Variants in MX2 observed in about 807,000 individuals in gnomAD.
MX2 encodes MX dynamin like GTPase 2.
A neutral mutation model predicts 74.0 loss-of-function variants in MX2; 51 were observed. That is an observed-to-expected ratio of 0.69 (90% CI 0.55 to 0.87). MX2 has a LOEUF of 0.87. Ranked by LOEUF, MX2 falls within the 40% of genes least tolerant of loss-of-function variation. MX2 has a pLI of 0.00. For synonymous variants in MX2, 369 were observed against 339.3 expected (o/e 1.09, Z -0.96); for missense variants, 832 against 908.7 (o/e 0.92, Z 1.09).
At chr21:41,376,312 T>A (rs1475152470) in intron 1 of MX2, among the ~76,000 whole-genome samples, 1 of 152,054 alleles carries the variant, frequency 6.6e-6, no homozygotes, top group Non-Finnish European at 1.5e-5. Flanking sequence ...GGCGGACGGA[T>A]TGCTTGAGCT....
chr21:41,406,559 C>T (rs2089888876), intron 12 of MX2, among the ~76,000 whole-genome samples, 185 bp from the exon 13 acceptor site: 4 of 152,224 alleles, frequency 2.6e-5, no homozygotes, highest in Admixed American at 2.6e-4. Context: ...AGTGAGGAAA[C>T]CGGGTTCATA....
intron 1 of MX2, among the ~76,000 whole-genome samples, chr21:41,375,066 C>T (rs917347953): frequency 6.6e-6 from 1 of 152,226 alleles, no homozygotes; most frequent in Non-Finnish European, 1.5e-5. Flanking sequence ...TGCATTTCCT[C>T]TGCGGGAGAG....
intron 8 of MX2, 64 bp downstream of exon 8, chr21:41,397,755 G>A: frequency 6.9e-7 from 1 of 1,451,398 alleles, no homozygotes; most frequent in Non-Finnish European, 9.7e-7. Context: ...CTCTTGGTCT[G>A]GAGTTGGCTA....
chr21:41,377,131 A>G lies in MX2; in HGVS notation c.225A>G (p.Gly75=), dbSNP rs751872874. ...FLTLNNQPPP[G]NRSQPRAMGP... ...CTTTGAACAATCAGCCACCACCAGG[A>G]AACAGGAGCCAACCAAGGGCAATGG... The change falls in exon 2 of 14, where the codon GGA becomes GGG. Residue 75 remains glycine (G), a synonymous_variant. Coordinates refer to ENST00000330714, the MANE Select transcript of MX2 (RefSeq NM_002463.2). 60 of 1,614,066 alleles carry G rather than the reference A, an allele frequency of 3.7e-5. No individual in the cohort carries two copies. The South Asian group carries it at 6.6e-4, about 18-fold the overall frequency.
rs933254286 is a variant in MX2 at position 41,363,466 on chromosome 21, C to G, written c.-72+1411C>G. Reference sequence around the variant, plus strand: ...GCCCCTGCCCTAGAATGCAAGCTCCCCCAGAGATCTTTGTCTGCCTGACTC... The same window carrying G: ...GCCCCTGCCCTAGAATGCAAGCTCCGCCAGAGATCTTTGTCTGCCTGACTC... On this transcript the variant is annotated intron_variant, in intron 1 of 13. Coordinates refer to ENST00000330714, the MANE Select transcript of MX2 (RefSeq NM_002463.2). The surrounding 1 kb of genome is among the most constrained non-coding windows in gnomAD (Gnocchi z 4.2). 2.0e-5 allele frequency: 3 copies of G among 152,342 alleles called. No individual in the cohort carries two copies. The highest frequency in any genetic ancestry group is 4.4e-5 in the Non-Finnish European group (3 of 68,054). The allele number at this position is 152,342 out of a possible 1,614,324, so 9.4% of individuals were successfully genotyped here.
At position 41,384,681 on chromosome 21, in the gene MX2, T is replaced by C. The variant is rs1357860822; in HGVS notation, c.732+2117T>C. On this transcript the variant is annotated intron_variant, in intron 5 of 13. Coordinates refer to ENST00000330714, the MANE Select transcript of MX2 (RefSeq NM_002463.2). ...AGAATTCTATCTGAAAGGGTGGCAG[T>C]ATACGAAAACACTGCCAAGTGAACA... is the stretch of plus-strand genomic sequence containing the variant. Among the ~76,000 whole-genome samples, 3 of 152,042 alleles carry C rather than the reference T, an allele frequency of 2.0e-5. No homozygotes were observed. In the East Asian group the frequency reaches 5.8e-4, roughly 29 times the overall value.
chr21:41,398,532 A>G (rs776342992), intron 8 of MX2, among the ~76,000 whole-genome samples: 8 of 152,226 alleles, frequency 5.3e-5, no homozygotes, highest in Non-Finnish European at 7.3e-5. Context: ...GAAGATTTAA[A>G]TGTACCCTTA....
At chr21:41,398,293 C>T (rs184268771) in intron 8 of MX2, among the ~76,000 whole-genome samples, 2 of 152,074 alleles carry the variant, frequency 1.3e-5, no homozygotes, top group African/African-American at 4.8e-5. Flanking sequence ...TGGGCAACAA[C>T]AGCAAAATTC....
chr21:41,362,481 C>A (rs1275883398), intron 1 of MX2, among the ~76,000 whole-genome samples: 1 of 152,024 alleles, frequency 6.6e-6, no homozygotes. Flanking sequence ...TCTGACGTAA[C>A]CTTAGTGACG....
chr21:41,374,976 T>C (rs1404398633), intron 1 of MX2, among the ~76,000 whole-genome samples: 2 of 152,036 alleles, frequency 1.3e-5, no homozygotes, highest in East Asian at 3.9e-4. Flanking sequence ...TTGCAAGCCT[T>C]TTTCCTCCCT....
At chr21:41,369,113 T>C (rs1249773079) in intron 1 of MX2, among the ~76,000 whole-genome samples, 4 of 152,190 alleles carry the variant, frequency 2.6e-5, no homozygotes, top group Non-Finnish European at 4.4e-5. Flanking sequence ...GTTTCAAGGA[T>C]TTCACATCAG....
At chr21:41,405,540 C>T (rs2089874078) in intron 12 of MX2, among the ~76,000 whole-genome samples, 1 of 151,976 alleles carries the variant, frequency 6.6e-6, no homozygotes, top group Non-Finnish European at 1.5e-5. Context: ...CAGTCACATT[C>T]ATGAGGCTCT....
rs146454620 is a variant in MX2, at chr21:41,380,908, C to A, written c.577+757C>A. On this transcript the variant is annotated intron_variant, in intron 4 of 13. Coordinates refer to ENST00000330714, the MANE Select transcript of MX2 (RefSeq NM_002463.2). This position sits in a 1 kb window ranked among gnomAD's most constrained non-coding sequence, Gnocchi z 4.3. ...CCTGCACAGCCTGTCCTGGACTCAG[C>A]CAGGATAGATGGAAAAACAATCCTG... Among the ~76,000 whole-genome samples, 1,010 of 152,292 alleles carry A rather than the reference C, an allele frequency of 6.6e-3. 7 individuals carry two copies. The highest frequency in any genetic ancestry group is 0.026 in the South Asian group (124 of 4,824).
chr21:41,405,191 G>A (rs1348386496), intron 12 of MX2, among the ~76,000 whole-genome samples: 3 of 151,702 alleles, frequency 2.0e-5, no homozygotes, highest in African/African-American at 4.8e-5. Flanking sequence ...CCTGGGAGGC[G>A]GAGGTTGCAG....
At chr21:41,401,456 C>A (rs1408556113) in intron 10 of MX2, 1 of 152,308 alleles carries the variant, frequency 6.6e-6, no homozygotes, top group Non-Finnish European at 1.5e-5. Context: ...GAGACAGGCT[C>A]TTGCCGTCAC....
Position 41,377,006 on chromosome 21 carries a change from C to A in MX2, c.100C>A (p.Pro34Thr). 6.2e-7 allele frequency: 1 copy of A among 1,614,218 alleles called. No individual in the cohort carries two copies. The highest frequency in any genetic ancestry group is 8.5e-7 in the Non-Finnish European group (1 of 1,180,046). The change falls in exon 2 of 14, where the codon CCG (proline) becomes ACG (threonine). Residue 34 changes from proline to threonine, a missense_variant. Transcript: ENST00000330714. The stretch of plus-strand genomic sequence containing the variant: ...AATGAATTCCTTCCAGCAACAGCCA[C>A]CGCCATTCGGCACAGTGCCACCACA... ...KEMNSFQQQP[P>T]PFGTVPPQMM...
rs2089471430 is a variant in MX2 at position 41,380,291 on chromosome 21, T to C, written c.577+140T>C. The C allele has an allele frequency of 2.2e-5, 25 of 1,157,618 alleles. 1 individual carries two copies. The East Asian group carries it at 5.7e-4, about 26-fold the overall frequency. The allele number at this position is 1,157,618 out of a possible 1,614,324, so 71.7% of individuals were successfully genotyped here. A position where few individuals can be genotyped will look rare whatever the true frequency, so the allele number is the denominator to read the frequency against. On this transcript the variant is annotated intron_variant, in intron 4 of 13. Transcript: ENST00000330714. This position sits in a 1 kb window ranked among gnomAD's most constrained non-coding sequence, Gnocchi z 4.3. ...GTGCTCCCACATGGGGCTGAACCCA[T>C]TGCTGTCACCTCCACCATCCCTCCA... is the stretch of plus-strand genomic sequence containing the variant.
chr21:41,408,315 TG>T lies in MX2; in HGVS notation c.*86del. The T allele has an allele frequency of 6.5e-7, 1 of 1,548,212 alleles. No individual in the cohort carries two copies. The highest frequency in any genetic ancestry group is 8.7e-7 in the Non-Finnish European group (1 of 1,145,232). The stretch of plus-strand genomic sequence containing the variant: ...TCGGTGCAGGATGCCGCTTCTGCTT[TG>T]GGGCCAAACTCTTCTGTCACTATCA... On this transcript the variant is annotated 3_prime_UTR_variant, in exon 14 of 14. Coordinates refer to ENST00000330714, the MANE Select transcript of MX2 (RefSeq NM_002463.2).
chr21:41,381,288 G>A (rs1299855247), intron 4 of MX2, among the ~76,000 whole-genome samples: 1 of 152,222 alleles, frequency 6.6e-6, no homozygotes, highest in Non-Finnish European at 1.5e-5. Context: ...CATCTGTCTG[G>A]AGTCTCACCA....
Sources: allele counts gnomAD v4.1 joint callset (sites outside exome capture counted in the v4.1 genomes callset), GRCh38; gene constraint gnomAD v4.1.1; non-coding constraint Gnocchi (gnomAD v3.1); transcripts MANE v1.5; gene names NCBI Gene and HGNC (gene_info 2026-07-23, HGNC 2026-07-21).